Variants in PLD5 observed in about 807,000 individuals in gnomAD.
The protein encoded by PLD5 is inactive phospholipase D5.
A neutral mutation model predicts 61.1 loss-of-function variants in PLD5; 36 were observed. The ratio of observed to expected loss-of-function variants is 0.59; its 90% CI spans 0.45 to 0.78. The LOEUF (loss-of-function observed/expected upper bound fraction) is 0.78. Among genes scored for constraint, PLD5 ranks in the 30% least tolerant of loss-of-function variants. The pLI, the probability that PLD5 is intolerant of heterozygous loss-of-function variation, is 0.00. For synonymous variants in PLD5, 243 were observed against 242.8 expected, an observed-to-expected ratio of 1.00 and a Z score of -0.01; for missense variants, 515 against 644.4, an observed-to-expected ratio of 0.80 and a Z score of 2.17.
chr1:242,158,828 C>T (rs1258815755), intron 5 of PLD5, among the ~76,000 whole-genome samples: 1 of 151,994 alleles, frequency 6.6e-6, no homozygotes, highest in African/African-American at 2.4e-5. Flanking sequence ...ATTGACCTAC[C>T]TTCAAGTTTT....
chr1:242,422,846 CTTTTTTT>C (rs3033897), intron 1 of PLD5, among the ~76,000 whole-genome samples: 3 of 129,582 alleles, frequency 2.3e-5, no homozygotes, highest in South Asian at 2.6e-4. Context: ...GTATTTCTCT[CTTTTTTT>C]TTTTTTTTTT....
In PLD5 at chr1:242,088,278, A is replaced by G. The variant is rs886689550; in HGVS notation, c.*1576T>C. ...GCAATGTTCTATTGAAATGTTGACAATCCAGATCTCCACCAGGGTTTCTGT... is the reference window on the plus strand; with the variant it reads ...GCAATGTTCTATTGAAATGTTGACAGTCCAGATCTCCACCAGGGTTTCTGT... On this transcript the variant is annotated 3_prime_UTR_variant, in exon 10 of 10. Coordinates refer to ENST00000536534, the MANE Select transcript of PLD5 (RefSeq NM_001372062.1). The G allele has an allele frequency of 1.3e-5, 2 of 152,160 alleles. No individual in the cohort carries two copies. Among genetic ancestry groups the G allele is most frequent in the East Asian group, 1.9e-4 (1 of 5,194 alleles). The allele number at this position is 152,160 out of a possible 1,614,324, so 9.4% of individuals were successfully genotyped here. A position where few individuals can be genotyped will look rare whatever the true frequency, so the allele number is the denominator to read the frequency against.
intron 1 of PLD5, among the ~76,000 whole-genome samples, chr1:242,488,470 G>T (rs1323281787): frequency 6.6e-6 from 1 of 152,150 alleles, no homozygotes; most frequent in Non-Finnish European, 1.5e-5. Context: ...CTAAGTGAAA[G>T]AATCCAATCT....
rs1238942618 is a variant in PLD5, at chr1:242,288,475, A to T, written c.382T>A (p.Phe128Ile). ...EGLNYSENAP[F>I]HLSLFQGWMN... Reference sequence around the variant, plus strand: ...CAGCCTTGGAAAAGTGATAAGTGAAATGGTGCATTTTCTGAATAGTTAAGG... The same window carrying T: ...CAGCCTTGGAAAAGTGATAAGTGAATTGGTGCATTTTCTGAATAGTTAAGG... Residue 128 changes from phenylalanine (F) to isoleucine (I), a missense_variant, in exon 3 of 10, where the codon TTT (phenylalanine) becomes ATT (isoleucine). Coordinates refer to ENST00000536534, the MANE Select transcript of PLD5 (RefSeq NM_001372062.1). The T allele has an allele frequency of 6.2e-7, 1 of 1,611,366 alleles. No individual in the cohort carries two copies. Among genetic ancestry groups the T allele is most frequent in the Non-Finnish European group, 8.5e-7 (1 of 1,179,242 alleles).
chr1:242,280,520 T>C (rs1029859054), intron 3 of PLD5, among the ~76,000 whole-genome samples: 14 of 152,186 alleles, frequency 9.2e-5, no homozygotes, highest in South Asian at 2.1e-4. Context: ...AGTAGAAATA[T>C]GTATAAGCCC....
At position 242,085,901 on chromosome 1, in the gene PLD5, T is replaced by C. The variant is rs1223298357; in HGVS notation, c.*3953A>G. ...AAAAAAAAAAAAGTTAATTGTAGGA[T>C]AGAATTCCTGAGACAGATAGACCCT... On this transcript the variant is annotated 3_prime_UTR_variant, in exon 10 of 10. Coordinates refer to ENST00000536534, the MANE Select transcript of PLD5 (RefSeq NM_001372062.1). 1 of 151,326 alleles carries C rather than the reference T, an allele frequency of 6.6e-6. No homozygotes were observed. The highest frequency in any genetic ancestry group is 2.4e-5 in the African/African-American group (1 of 41,162). 9.4% of individuals were successfully genotyped at this position (151,326 alleles called of 1,614,324 possible).
At position 242,256,688 on chromosome 1, in the gene PLD5, T is replaced by C. The variant is rs184168833; in HGVS notation, c.607+8649A>G. ...CCAGAACTGTGAAAAAATAAGTGGC[T>C]GTTCTTTATAAATTGCCCAGTCTCA... On this transcript the variant is annotated intron_variant, in intron 4 of 9. Coordinates refer to ENST00000536534, the MANE Select transcript of PLD5 (RefSeq NM_001372062.1). This position sits in a 1 kb window ranked among gnomAD's most constrained non-coding sequence, Gnocchi z 5.7. 2.5e-4 allele frequency among the ~76,000 whole-genome samples: 38 copies of C among 152,310 alleles called. 1 individual carries two copies. The highest frequency in any genetic ancestry group is 7.9e-4 in the African/African-American group (33 of 41,564).
intron 5 of PLD5, among the ~76,000 whole-genome samples, chr1:242,219,466 T>C (rs554169227): frequency 5.3e-4 from 81 of 152,330 alleles, no homozygotes; most frequent in African/African-American, 1.9e-3. Context: ...GATGGTGATT[T>C]TGTAATCCTC....
In PLD5 at chr1:242,436,036, T is replaced by C. The variant is rs201808280; in HGVS notation, c.190-87794A>G. Among the ~76,000 whole-genome samples the C allele has an allele frequency of 9.2e-5, 14 of 152,234 alleles. No homozygotes were observed. In the East Asian group the frequency reaches 2.7e-3, roughly 29 times the overall value. ...TTTCAAAACCCATTAGAGTATCCAATAGCCTTCCCTATCAGAAAAGTATTC... is the reference window on the plus strand; with the variant it reads ...TTTCAAAACCCATTAGAGTATCCAACAGCCTTCCCTATCAGAAAAGTATTC... On this transcript the variant is annotated intron_variant, in intron 1 of 9. Coordinates refer to ENST00000536534, the MANE Select transcript of PLD5 (RefSeq NM_001372062.1).
At chr1:242,198,848 C>T (rs562484020) in intron 5 of PLD5, among the ~76,000 whole-genome samples, 176 of 152,234 alleles carry the variant, frequency 1.2e-3, no homozygotes, top group Non-Finnish European at 1.3e-3. Flanking sequence ...GATTCTCCTG[C>T]CACAGCCTCC....
At chr1:242,273,590 T>TA (rs1341143131) in intron 3 of PLD5, among the ~76,000 whole-genome samples, 1 of 152,160 alleles carries the variant, frequency 6.6e-6, no homozygotes, top group African/African-American at 2.4e-5. Flanking sequence ...GTTAGCAGGC[T>TA]AAAAAATGGC....
At chr1:242,213,780 G>C (rs1231428880) in intron 5 of PLD5, among the ~76,000 whole-genome samples, 1 of 150,120 alleles carries the variant, frequency 6.7e-6, no homozygotes, top group Admixed American at 6.7e-5. Flanking sequence ...ATTCCATCCA[G>C]TTATTTATTT....
chr1:242,281,083 C>A (rs1466924363), intron 3 of PLD5, among the ~76,000 whole-genome samples: 1 of 152,144 alleles, frequency 6.6e-6, no homozygotes, highest in Non-Finnish European at 1.5e-5. Flanking sequence ...GAGGACTCCA[C>A]CAGGCTGCGG....
chr1:242,235,809 A>G (rs996914725), intron 4 of PLD5: 2 of 152,058 alleles, frequency 1.3e-5, no homozygotes, highest in African/African-American at 4.8e-5. Context: ...CATGTTGTTA[A>G]CAGAAGGCTT....
At chr1:242,273,009 T>C (rs1674195721) in intron 3 of PLD5, among the ~76,000 whole-genome samples, 1 of 152,192 alleles carries the variant, frequency 6.6e-6, no homozygotes, top group African/African-American at 2.4e-5. Flanking sequence ...GCTGCACCTG[T>C]CAACCCATCA....
At chr1:242,170,898 G>A (rs376221307) in intron 5 of PLD5, among the ~76,000 whole-genome samples, 13 of 151,282 alleles carry the variant, frequency 8.6e-5, no homozygotes, top group African/African-American at 2.7e-4. Context: ...TATGTGAAAA[G>A]ACCAAATCTA....
intron 5 of PLD5, among the ~76,000 whole-genome samples, chr1:242,135,218 AATATAT>A (rs540178453): frequency 6.6e-6 from 1 of 151,986 alleles, no homozygotes; most frequent in African/African-American, 2.4e-5. Context: ...TCTGCACATA[AATATAT>A]ATATATGTAT....
intron 5 of PLD5, among the ~76,000 whole-genome samples, chr1:242,219,007 A>C (rs1395775320): frequency 1.3e-5 from 2 of 152,228 alleles, no homozygotes; most frequent in African/African-American, 2.4e-5. Flanking sequence ...TAAGGTAATG[A>C]TTGATAACAA....
intron 5 of PLD5, among the ~76,000 whole-genome samples, chr1:242,201,662 A>G (rs1485085353): frequency 1.1e-4 from 17 of 152,110 alleles, no homozygotes; most frequent in Non-Finnish European, 2.5e-4. Flanking sequence ...GCAGTGAAAC[A>G]TTTTTAATAA....
Sources: gnomAD v4.1 joint callset for allele counts (sites outside exome capture counted in the v4.1 genomes callset) on GRCh38, gnomAD v4.1.1 for gene constraint, Gnocchi (gnomAD v3.1) non-coding constraint, MANE v1.5 for transcripts, NCBI Gene and HGNC (gene_info 2026-07-23, HGNC 2026-07-21) for gene names.